The following COL26A1 variants were observed in gnomAD, a reference collection of about 807,000 sequenced individuals.
The protein encoded by COL26A1 is collagen alpha-1(XXVI) chain.
Under a neutral mutation model 59.3 loss-of-function variants are expected in COL26A1, and 41 were observed. That is an observed-to-expected ratio of 0.69 (90% CI 0.54 to 0.90). The LOEUF is 0.90. COL26A1 is among the 40% of genes least tolerant of loss of function. The probability of loss-of-function intolerance (pLI) is 0.00; values close to 1 mark genes in which losing one functional copy is unlikely to be tolerated. For synonymous variants in COL26A1, 266 were observed against 256.0 expected (o/e 1.04, Z -0.37); for missense variants, 612 against 602.3 (o/e 1.02, Z -0.17).
intron 3 of COL26A1, among the ~76,000 whole-genome samples, chr7:101,492,122 A>G (rs1220442383): frequency 6.6e-6 from 1 of 152,150 alleles, no homozygotes; most frequent in African/African-American, 2.4e-5. Context: ...GTAAGCCTGG[A>G]TGTTGAATTT....
intron 3 of COL26A1, among the ~76,000 whole-genome samples, chr7:101,503,527 T>G (rs1023679383): frequency 2.0e-5 from 3 of 152,138 alleles, no homozygotes; most frequent in African/African-American, 7.2e-5. Flanking sequence ...AGACTACAGG[T>G]GTACATCACC....
At chr7:101,529,460 G>C (rs576578961) in intron 3 of COL26A1, among the ~76,000 whole-genome samples, 3 of 152,018 alleles carry the variant, frequency 2.0e-5, no homozygotes, top group African/African-American at 7.2e-5. Context: ...GTAGAGACAG[G>C]GTTTCACCAT....
At position 101,367,540 on chromosome 7, in the gene COL26A1, C is replaced by G. The variant is rs574887287; in HGVS notation, c.158+4350C>G. 3.0e-4 allele frequency among the ~76,000 whole-genome samples: 46 copies of G among 151,550 alleles called. 1 individual carries two copies. In the South Asian group the frequency reaches 9.0e-3, roughly 30 times the overall value. On this transcript the variant is annotated intron_variant, in intron 1 of 12. Coordinates refer to ENST00000313669, the MANE Select transcript of COL26A1 (RefSeq NM_001278563.3). ...ATTAGCCGGGCGTGGTGGTGCACAC[C>G]GGTAGTCCCAGCTACTTGGGAGGCT...
intron 3 of COL26A1, among the ~76,000 whole-genome samples, chr7:101,507,428 T>TG (rs1794834746): frequency 6.6e-6 from 1 of 151,864 alleles, no homozygotes; most frequent in African/African-American, 2.4e-5. Context: ...TTTTGTTGGG[T>TG]GGGGGGAGCA....
chr7:101,386,971 C>G (rs1029569555), intron 1 of COL26A1, among the ~76,000 whole-genome samples: 1 of 151,932 alleles, frequency 6.6e-6, no homozygotes, highest in Non-Finnish European at 1.5e-5. Context: ...TAGATTAATC[C>G]CAGAACCTGG....
In COL26A1 at chr7:101,540,013, C is replaced by A; in HGVS notation, c.568C>A (p.Pro190Thr). The A allele has an allele frequency of 1.2e-6, 2 of 1,613,530 alleles. No individual in the cohort carries two copies. Among genetic ancestry groups the A allele is most frequent in the Non-Finnish European group, 1.7e-6 (2 of 1,179,812 alleles). Residue 190 changes from proline to threonine, a missense_variant, in exon 5 of 13, where the codon CCT (proline) becomes ACT (threonine). By Grantham distance (38) the Pro-to-Thr change is conservative (BLOSUM62 -1). Transcript: ENST00000313669. ...FLPDAIPLAH[P>T]VPRQRRPTGP... Reference sequence around the variant, plus strand: ...CCCCGACGCCATCCCTCTTGCTCACCCTGTGCCACGACAGAGAAGGCCCAC... The same window carrying A: ...CCCCGACGCCATCCCTCTTGCTCACACTGTGCCACGACAGAGAAGGCCCAC...
At position 101,558,508 on chromosome 7, in the gene COL26A1, T is replaced by G. The variant is rs1796035173; in HGVS notation, c.*978T>G. ...GTGGACTCTATAGGTTTGCTACTTT[T>G]GCATGACACAGCAAGCCCAGTGTCC... On this transcript the variant is annotated 3_prime_UTR_variant, in exon 13 of 13. Transcript: ENST00000313669. The G allele has an allele frequency of 2.0e-5, 3 of 152,216 alleles. No homozygotes were observed. Among genetic ancestry groups the G allele is most frequent in the South Asian group, 4.1e-4 (2 of 4,836 alleles). The allele number at this position is 152,216 out of a possible 1,614,324, so 9.4% of individuals were successfully genotyped here.
Position 101,458,552 on chromosome 7 carries a change from C to T in COL26A1, c.385+10765C>T, listed in dbSNP as rs184282651. 3.3e-3 allele frequency among the ~76,000 whole-genome samples: 496 copies of T among 152,058 alleles called. 3 individuals are homozygous for T. Among genetic ancestry groups the T allele is most frequent in the African/African-American group, 0.011 (461 of 41,478 alleles). ...ACTTGGGAGGCTGAGGCAGGAGAAT[C>T]ACTGGAAGGTGGAGGTTAGAGTGAT... On this transcript the variant is annotated intron_variant, in intron 3 of 12. Coordinates refer to ENST00000313669, the MANE Select transcript of COL26A1 (RefSeq NM_001278563.3).
At chr7:101,363,399 C>T (rs1354295311) in intron 1 of COL26A1, among the ~76,000 whole-genome samples, 1 of 134,124 alleles carries the variant, frequency 7.5e-6, no homozygotes, top group African/African-American at 2.8e-5. Flanking sequence ...GCGATTCGGG[C>T]CTGGGGGCGC....
chr7:101,505,817 C>G (rs1179193494), intron 3 of COL26A1, among the ~76,000 whole-genome samples: 1 of 152,310 alleles, frequency 6.6e-6, no homozygotes, highest in African/African-American at 2.4e-5. Flanking sequence ...CAATACTTTG[C>G]ATCCTTCAAT....
intron 3 of COL26A1, among the ~76,000 whole-genome samples, chr7:101,528,562 C>G (rs1022810222): frequency 3.3e-5 from 5 of 151,532 alleles, no homozygotes; most frequent in African/African-American, 1.2e-4. Flanking sequence ...TTCCCCTCCC[C>G]TCTCTGACAG....
chr7:101,547,813 GTTCATTCATTCATTCGTTTA>G (rs1305486938), intron 8 of COL26A1, among the ~76,000 whole-genome samples: 3 of 149,864 alleles, frequency 2.0e-5, no homozygotes, highest in South Asian at 2.1e-4. Context: ...TCATTCATTC[GTTCATTCATTCATTCGTTTA>G]TTCATTCATT....
chr7:101,421,555 A>G (rs1157199041), intron 2 of COL26A1, among the ~76,000 whole-genome samples: 4 of 151,954 alleles, frequency 2.6e-5, no homozygotes, highest in African/African-American at 9.7e-5. Flanking sequence ...GGCGCCTGCA[A>G]TCCCAGCTAC....
At chr7:101,445,668 C>T (rs1193458122) in intron 2 of COL26A1, among the ~76,000 whole-genome samples, 11 of 124,004 alleles carry the variant, frequency 8.9e-5, no homozygotes, top group African/African-American at 3.4e-4. Context: ...GGAGGCGGAG[C>T]TTGCAGTGAG....
At chr7:101,367,984 A>G (rs1345861756) in intron 1 of COL26A1, among the ~76,000 whole-genome samples, 5 of 96,726 alleles carry the variant, frequency 5.2e-5, no homozygotes, top group Non-Finnish European at 9.8e-5. Context: ...AGTCTCCTCC[A>G]CTGTCTCCCT....
At chr7:101,469,202 A>G (rs1403502106) in intron 3 of COL26A1, among the ~76,000 whole-genome samples, 1 of 152,140 alleles carries the variant, frequency 6.6e-6, no homozygotes, top group Non-Finnish European at 1.5e-5. Context: ...CCTCCTGGAA[A>G]TTCTGGGGGT....
chr7:101,457,943 C>T (rs990939085), intron 3 of COL26A1, among the ~76,000 whole-genome samples: 19 of 147,210 alleles, frequency 1.3e-4, no homozygotes, highest in Non-Finnish European at 3.0e-5. Context: ...GTTGCCCAAG[C>T]AGGAGAGCAA....
intron 3 of COL26A1, among the ~76,000 whole-genome samples, chr7:101,494,979 G>GCTTCCAAACCCTCCCC (rs1221958897): frequency 6.6e-5 from 10 of 152,204 alleles, no homozygotes; most frequent in African/African-American, 2.4e-4. Context: ...CTTCCCCGTG[G>GCTTCCAAACCCTCCCC]CTTCCAAACC....
chr7:101,448,382 G>C (rs974979814), intron 3 of COL26A1, among the ~76,000 whole-genome samples: 3 of 152,200 alleles, frequency 2.0e-5, no homozygotes, highest in Non-Finnish European at 4.4e-5. Flanking sequence ...CCCCTTCACT[G>C]CTGGCCAGGG....
Sources: allele counts gnomAD v4.1 joint callset (sites outside exome capture counted in the v4.1 genomes callset), GRCh38; gene constraint gnomAD v4.1.1; transcripts MANE v1.5; gene names NCBI Gene and HGNC (gene_info 2026-07-23, HGNC 2026-07-21).